The following SEMA3A variants were observed in gnomAD, a reference collection of about 807,000 sequenced individuals.
The protein encoded by SEMA3A is semaphorin 3A, also known as semaphorin-3A.
SEMA3A carries 29 observed loss-of-function variants against 97.9 expected under a neutral mutation model. That is an observed-to-expected ratio of 0.30 (90% CI 0.22 to 0.40). The LOEUF (loss-of-function observed/expected upper bound fraction) is 0.40, where lower values mean the gene tolerates loss of function less well. Ranked by LOEUF, SEMA3A falls within the 10% of genes least tolerant of loss-of-function variation. The probability of loss-of-function intolerance (pLI) is 1.00; values close to 1 mark genes in which losing one functional copy is unlikely to be tolerated. For synonymous variants in SEMA3A, 321 were observed against 323.7 expected, an observed-to-expected ratio of 0.99 and a Z score of 0.09; for missense variants, 763 against 951.3, an observed-to-expected ratio of 0.80 and a Z score of 2.60.
At chr7:84,156,552 T>C (rs1252246483) in intron 1 of SEMA3A, among the ~76,000 whole-genome samples, 1 of 152,130 alleles carries the variant, frequency 6.6e-6, no homozygotes, top group Admixed American at 6.5e-5. Context: ...ATTCACTGAC[T>C]GGATTCTGTA....
At chr7:84,300,032 C>CAAATAAAAA (rs1800969893) in intron 3 of SEMA3A, among the ~76,000 whole-genome samples, 1 of 53,316 alleles carries the variant, frequency 1.9e-5, no homozygotes. Flanking sequence ...GACTCAGTCA[C>CAAATAAAAA]AAAAAAAAAA....
intron 1 of SEMA3A, among the ~76,000 whole-genome samples, chr7:84,385,827 T>G (rs1377739679): frequency 6.6e-6 from 1 of 152,206 alleles, no homozygotes; most frequent in Non-Finnish European, 1.5e-5. Flanking sequence ...ATAAAACAAT[T>G]ATTTTTCCAA....
chr7:84,445,508 A>AG (rs1463687652), intron 1 of SEMA3A, among the ~76,000 whole-genome samples: 1 of 145,662 alleles, frequency 6.9e-6, no homozygotes, highest in African/African-American at 2.5e-5. Flanking sequence ...AAAAAAAAAA[A>AG]AAAAAAAAAA....
intron 1 of SEMA3A, among the ~76,000 whole-genome samples, chr7:84,416,881 C>G (rs1186426744): frequency 2.0e-5 from 3 of 152,066 alleles, no homozygotes; most frequent in Non-Finnish European, 4.4e-5. Flanking sequence ...ATAAAATGAT[C>G]CAGACACTAT....
intron 12 of SEMA3A, among the ~76,000 whole-genome samples, chr7:83,992,234 G>A (rs377579608): frequency 0.097 from 14,276 of 147,064 alleles, 896 homozygotes; most frequent in Middle Eastern, 0.17. Flanking sequence ...TCTTGCTAGC[G>A]GTCTATCAAT....
chr7:84,049,069 G>C lies in SEMA3A; in HGVS notation c.548-2626C>G, dbSNP rs1583870892. On this transcript the variant is annotated intron_variant, in intron 5 of 16. Coordinates refer to ENST00000265362, the MANE Select transcript of SEMA3A (RefSeq NM_006080.3). ...TCACAAAAGGTAAGAAGGTCCTTCAGAGAAAGTAGAACAGGTATTCAGTAA... is the reference window on the plus strand; with the variant it reads ...TCACAAAAGGTAAGAAGGTCCTTCACAGAAAGTAGAACAGGTATTCAGTAA... 2.6e-5 allele frequency among the ~76,000 whole-genome samples: 4 copies of C among 152,158 alleles called. No homozygotes were observed. The South Asian group carries it at 8.3e-4, about 32-fold the overall frequency.
intron 1 of SEMA3A, among the ~76,000 whole-genome samples, chr7:84,488,066 C>A (rs1371546593): frequency 6.6e-6 from 1 of 151,790 alleles, no homozygotes; most frequent in Non-Finnish European, 1.5e-5. Context: ...AATGAAATCT[C>A]TCTTTAAAAT....
chr7:84,397,095 A>C (rs1242587175), intron 1 of SEMA3A, among the ~76,000 whole-genome samples: 11 of 152,032 alleles, frequency 7.2e-5, no homozygotes, highest in Admixed American at 6.6e-4. Context: ...TTTATAATGA[A>C]AGTTGTGAAA....
chr7:84,148,606 T>C, intron 1 of SEMA3A, among the ~76,000 whole-genome samples: 1 of 152,198 alleles, frequency 6.6e-6, no homozygotes. Flanking sequence ...CATTTGTACA[T>C]AACAATTCAT....
At chr7:83,985,869 A>G (rs1245790975) in intron 12 of SEMA3A, among the ~76,000 whole-genome samples, 12 of 152,202 alleles carry the variant, frequency 7.9e-5, no homozygotes, top group Non-Finnish European at 1.8e-4. Flanking sequence ...TGTGGTCAAA[A>G]AGCAGGGGTA....
At chr7:84,459,845 TGGCAAAAC>T (rs1805778599) in intron 1 of SEMA3A, among the ~76,000 whole-genome samples, 1 of 152,046 alleles carries the variant, frequency 6.6e-6, no homozygotes, top group South Asian at 2.1e-4. Flanking sequence ...CTGGGCAACA[TGGCAAAAC>T]CCTGTCAATA....
chr7:84,338,135 A>G (rs1802081582), intron 2 of SEMA3A, among the ~76,000 whole-genome samples: 2 of 151,418 alleles, frequency 1.3e-5, no homozygotes, highest in South Asian at 4.1e-4. Context: ...GTATATGTGT[A>G]TATATATAAT....
chr7:84,162,477 A>G (rs1797064370), intron 1 of SEMA3A, among the ~76,000 whole-genome samples: 1 of 152,112 alleles, frequency 6.6e-6, no homozygotes, highest in African/African-American at 2.4e-5. Flanking sequence ...GAAGGGAGAG[A>G]CAAGAGAGAG....
rs548501136 is a variant in SEMA3A, at chr7:83,980,292, T to C, written c.1652+1029A>G. Among the ~76,000 whole-genome samples, 19 of 151,912 alleles carry C rather than the reference T, an allele frequency of 1.3e-4. No individual in the cohort carries two copies. The South Asian group carries it at 3.7e-3, about 30-fold the overall frequency. ...AAATACTTTTAAGTATTATCAAGAG[T>C]ATGTTTAAGAGATATATATGTATAT... is the stretch of plus-strand genomic sequence containing the variant. On this transcript the variant is annotated intron_variant, in intron 14 of 16. Coordinates refer to ENST00000265362, the MANE Select transcript of SEMA3A (RefSeq NM_006080.3).
intron 4 of SEMA3A, among the ~76,000 whole-genome samples, chr7:84,066,314 A>C (rs146826470): frequency 2.0e-5 from 3 of 151,888 alleles, no homozygotes; most frequent in Non-Finnish European, 4.4e-5. Flanking sequence ...ATCCAATATC[A>C]TACTGAATGG....
chr7:84,184,174 A>T (rs1797809475), intron 1 of SEMA3A, among the ~76,000 whole-genome samples: 1 of 152,170 alleles, frequency 6.6e-6, no homozygotes, highest in Non-Finnish European at 1.5e-5. Flanking sequence ...GTAATTTCAC[A>T]GGCGTCAGAA....
At chr7:84,091,354 A>T (rs531634559) in intron 4 of SEMA3A, among the ~76,000 whole-genome samples, 175 of 119,790 alleles carry the variant, frequency 1.5e-3, no homozygotes, top group Non-Finnish European at 3.2e-3. Context: ...GGAAGGAAGG[A>T]AGAAAGGAAG....
chr7:84,310,557 T>A (rs1801288366), intron 2 of SEMA3A, among the ~76,000 whole-genome samples: 1 of 152,098 alleles, frequency 6.6e-6, no homozygotes, highest in Admixed American at 6.6e-5. Context: ...ATCTATTTCT[T>A]TTCTTTGATC....
intron 1 of SEMA3A, among the ~76,000 whole-genome samples, chr7:84,168,902 A>G (rs1252408370): frequency 6.6e-6 from 1 of 151,842 alleles, no homozygotes; most frequent in Non-Finnish European, 1.5e-5. Context: ...TGTATCTCAT[A>G]TAACTTTATG....
Sources: allele counts gnomAD v4.1 joint callset (sites outside exome capture counted in the v4.1 genomes callset), GRCh38; gene constraint gnomAD v4.1.1; transcripts MANE v1.5; gene names NCBI Gene and HGNC (gene_info 2026-07-23, HGNC 2026-07-21).